TNRC6C: variants seen among roughly 807,000 people sequenced by gnomAD.
The protein encoded by TNRC6C is trinucleotide repeat-containing gene 6C protein.
Under a neutral mutation model 153.7 loss-of-function variants are expected in TNRC6C, and 20 were observed. The observed-to-expected ratio is 0.13, with a 90% CI of 0.09 to 0.19. The LOEUF is 0.19. TNRC6C is among the 10% of genes least tolerant of loss of function. The pLI is 1.00. For missense variants in TNRC6C, 1,987 were observed against 2,172.0 expected (o/e 0.91, Z 1.69); for synonymous variants, 811 against 841.4 (o/e 0.96, Z 0.63).
At position 78,061,047 on chromosome 17, in the gene TNRC6C, T is replaced by G. The variant is rs113151269; in HGVS notation, c.2396-3675T>G. ...AAGGAAAGATGAAGAATGTATATTTTAAAATTGAATGAAAACTACATATCC... is the reference window on the plus strand; with the variant it reads ...AAGGAAAGATGAAGAATGTATATTTGAAAATTGAATGAAAACTACATATCC... On this transcript the variant is annotated intron_variant, in intron 3 of 19. Transcript: ENST00000301624. Among the ~76,000 whole-genome samples, 1,206 of 152,240 alleles carry G rather than the reference T, an allele frequency of 7.9e-3. 6 individuals are homozygous for G. The highest frequency in any genetic ancestry group is 0.024 in the Middle Eastern group (7 of 294).
intron 1 of TNRC6C, among the ~76,000 whole-genome samples, chr17:77,977,316 C>G (rs981146443): frequency 1.3e-5 from 2 of 152,096 alleles, no homozygotes; most frequent in Admixed American, 6.5e-5. Context: ...TATAAATTTT[C>G]TCTACAAAGT....
At position 77,967,347 on chromosome 17, in the gene TNRC6C, A is replaced by G. The variant is rs145444132; in HGVS notation, c.-38+8079A>G. On this transcript the variant is annotated intron_variant, in intron 1 of 22. Coordinates refer to the TNRC6C transcript ENST00000636222. ...CTACATCGTCTATAGTATTTTGAAG[A>G]TATTTAGATAACAATCATCTGTTTC... Among the ~76,000 whole-genome samples, 17 of 152,286 alleles carry G rather than the reference A, an allele frequency of 1.1e-4. No individual in the cohort carries two copies. The East Asian group carries it at 3.1e-3, about 28-fold the overall frequency.
exon 3 of TNRC6C, chr17:78,048,961 A>C: frequency 7.2e-7 from 1 of 1,379,620 alleles, no homozygotes; most frequent in Non-Finnish European, 9.4e-7. Flanking sequence ...TAGGACTGAC[A>C]AGGAGGCGTG....
At chr17:78,069,341 C>G (rs2072945050) in intron 5 of TNRC6C, among the ~76,000 whole-genome samples, 1 of 152,140 alleles carries the variant, frequency 6.6e-6, no homozygotes, top group Non-Finnish European at 1.5e-5. Flanking sequence ...CCAGACAGCA[C>G]TCAGAGACAC....
At chr17:78,045,972 A>G (rs1227679000) in intron 2 of TNRC6C, among the ~76,000 whole-genome samples, 2 of 151,284 alleles carry the variant, frequency 1.3e-5, no homozygotes, top group Non-Finnish European at 2.9e-5. Context: ...TCCCCATCCC[A>G]CCCCCAGAGG....
chr17:78,054,965 C>T (rs1245121525), intron 3 of TNRC6C, among the ~76,000 whole-genome samples: 1 of 151,982 alleles, frequency 6.6e-6, no homozygotes, highest in Admixed American at 6.5e-5. Flanking sequence ...TACACCACTG[C>T]GGACTACTGT....
chr17:78,006,035 A>G (rs975539889), intron 1 of TNRC6C, among the ~76,000 whole-genome samples: 10 of 152,118 alleles, frequency 6.6e-5, no homozygotes, highest in Admixed American at 5.9e-4. Context: ...CACAGCTAAT[A>G]CTATGCTTTT....
intron 12 of TNRC6C, 65 bp from the exon 15 acceptor site, chr17:78,086,788 G>A (rs550507669): frequency 1.9e-6 from 3 of 1,589,136 alleles, no homozygotes; most frequent in Non-Finnish European, 2.6e-6. Flanking sequence ...AATGCATTTG[G>A]TCCCTAGACA....
At chr17:78,021,961 T>A (rs2071841375) in intron 1 of TNRC6C, among the ~76,000 whole-genome samples, 1 of 152,256 alleles carries the variant, frequency 6.6e-6, no homozygotes, top group African/African-American at 2.4e-5. Flanking sequence ...AAGGTTTCTA[T>A]GTCTGATAGT....
intron 1 of TNRC6C, among the ~76,000 whole-genome samples, chr17:77,980,369 G>C (rs993772546): frequency 2.6e-5 from 4 of 152,132 alleles, no homozygotes; most frequent in African/African-American, 9.7e-5. Flanking sequence ...TTTTTCCTCG[G>C]CTCTCACTCT....
chr17:77,963,487 A>T (rs1164228017), intron 1 of TNRC6C, among the ~76,000 whole-genome samples: 1 of 152,252 alleles, frequency 6.6e-6, no homozygotes, highest in Admixed American at 6.5e-5. Context: ...AGTTTTACTA[A>T]AAATGAATTC....
intron 5 of TNRC6C, among the ~76,000 whole-genome samples, chr17:78,069,849 A>T: frequency 6.6e-6 from 1 of 152,140 alleles, no homozygotes; most frequent in East Asian, 1.9e-4. Flanking sequence ...TGTGTATGTG[A>T]GTGTGTGTAT....
chr17:78,004,276 C>T (rs1172895350), upstream of TNRC6C: 2 of 1,231,592 alleles, frequency 1.6e-6, no homozygotes, highest in Non-Finnish European at 2.0e-6. Flanking sequence ...AAAGGTTTGG[C>T]TGAAGTTCCT....
At chr17:78,022,832 T>G (rs909265815) in intron 1 of TNRC6C, among the ~76,000 whole-genome samples, 6 of 152,232 alleles carry the variant, frequency 3.9e-5, no homozygotes. Flanking sequence ...TCAAAAATAT[T>G]TGAAATATAA....
intron 13 of TNRC6C, among the ~76,000 whole-genome samples, chr17:78,089,537 G>A (rs533540787): frequency 2.8e-4 from 43 of 152,256 alleles, no homozygotes; most frequent in Middle Eastern, 6.8e-3. Flanking sequence ...GAAACCAGCA[G>A]CCCATGGTCA....
At chr17:78,052,956 G>A (rs2072567817) in intron 3 of TNRC6C, among the ~76,000 whole-genome samples, 1 of 152,150 alleles carries the variant, frequency 6.6e-6, no homozygotes, top group African/African-American at 2.4e-5. Context: ...TAATGCAAAT[G>A]TTTTATATTA....
At chr17:77,964,367 C>A (rs2070882153) in intron 1 of TNRC6C, among the ~76,000 whole-genome samples, 1 of 152,132 alleles carries the variant, frequency 6.6e-6, no homozygotes, top group Non-Finnish European at 1.5e-5. Context: ...TTGGATAACT[C>A]TTGTCTGTGG....
chr17:78,055,104 C>A (rs1372981927), intron 3 of TNRC6C, among the ~76,000 whole-genome samples: 1 of 152,330 alleles, frequency 6.6e-6, no homozygotes, highest in Middle Eastern at 3.4e-3. Flanking sequence ...ACGCTTAGGC[C>A]ACACTACATT....
intron 18 of TNRC6C, chr17:78,102,960 GACCCC>G: frequency 4.3e-6 from 1 of 231,208 alleles, no homozygotes; most frequent in Non-Finnish European, 8.6e-6. Flanking sequence ...AACATAGCAA[GACCCC>G]ATGTGTGTAT....
Sources: gnomAD v4.1 joint callset for allele counts (sites outside exome capture counted in the v4.1 genomes callset) on GRCh38, gnomAD v4.1.1 for gene constraint, MANE v1.5 for transcripts, NCBI Gene and HGNC (gene_info 2026-07-23, HGNC 2026-07-21) for gene names.